COLQ: variants seen among roughly 807,000 people sequenced by gnomAD.
COLQ encodes the protein acetylcholinesterase collagenic tail peptide.
COLQ carries 48 observed loss-of-function variants against 69.0 expected under a neutral mutation model. That is an observed-to-expected ratio of 0.70 (90% confidence interval 0.55 to 0.88). The LOEUF (loss-of-function observed/expected upper bound fraction) is 0.88. COLQ is among the 40% of genes least tolerant of loss of function. The pLI is 0.00. For synonymous variants in COLQ, 217 were observed against 211.2 expected, an observed-to-expected ratio of 1.03 and a Z score of -0.24; for missense variants, 618 against 594.6, an observed-to-expected ratio of 1.04 and a Z score of -0.41.
chr3:15,499,899 T>C (rs1286108547), intron 1 of COLQ, among the ~76,000 whole-genome samples: 1 of 152,228 alleles, frequency 6.6e-6, no homozygotes, highest in East Asian at 1.9e-4. Context: ...AAAGCCGACT[T>C]TGATAGTTTG....
chr3:15,510,844 G>A (rs935965240), intron 1 of COLQ, among the ~76,000 whole-genome samples: 1 of 138,712 alleles, frequency 7.2e-6, no homozygotes, highest in African/African-American at 2.8e-5. Flanking sequence ...GGAAGGGAGG[G>A]AGAGAGGAAG....
intron 1 of COLQ, among the ~76,000 whole-genome samples, chr3:15,503,351 G>A (rs2062858582): frequency 6.6e-6 from 1 of 152,172 alleles, no homozygotes; most frequent in African/African-American, 2.4e-5. Context: ...CTGCAGTATA[G>A]AGAGATGGGG....
At chr3:15,499,140 T>C (rs183416710) in intron 1 of COLQ, among the ~76,000 whole-genome samples, 23 of 151,418 alleles carry the variant, frequency 1.5e-4, no homozygotes, top group Admixed American at 1.5e-3. Context: ...AAGCTAAACG[T>C]AACTAAAACA....
chr3:15,473,058 T>C lies in COLQ; in HGVS notation c.636+942A>G, dbSNP rs117496703. Among the ~76,000 whole-genome samples the C allele has an allele frequency of 6.6e-5, 10 of 151,940 alleles. No individual in the cohort carries two copies. In the East Asian group the frequency reaches 1.9e-3, roughly 29 times the overall value. On this transcript the variant is annotated intron_variant, in intron 10 of 16. Coordinates refer to ENST00000383788, the MANE Select transcript of COLQ (RefSeq NM_005677.4). The surrounding 1 kb of genome is among the most constrained non-coding windows in gnomAD (Gnocchi z 4.0). ...TTTTTTTAGAGATGAGATAGTACTATATTGCCCAAGCTGAGTATTTTTTTC... is the reference window on the plus strand; with the variant it reads ...TTTTTTTAGAGATGAGATAGTACTACATTGCCCAAGCTGAGTATTTTTTTC...
At chr3:15,492,434 A>G (rs912337961) in intron 1 of COLQ, among the ~76,000 whole-genome samples, 1 of 152,224 alleles carries the variant, frequency 6.6e-6, no homozygotes, top group Non-Finnish European at 1.5e-5. Context: ...TGGGAGGCCA[A>G]GGTGGGTGGG....
chr3:15,472,953 G>T (rs2062314838), intron 10 of COLQ, among the ~76,000 whole-genome samples: 1 of 151,356 alleles, frequency 6.6e-6, no homozygotes, highest in Non-Finnish European at 1.5e-5. Context: ...TCAATCACCT[G>T]GGCTCAAGCA....
Position 15,479,372 on chromosome 3 carries a change from C to T in COLQ, c.332G>A (p.Gly111Glu), listed in dbSNP as rs1223368969. The T allele has an allele frequency of 1.2e-6, 2 of 1,614,068 alleles. No homozygotes were observed. Among genetic ancestry groups the T allele is most frequent in the Admixed American group, 1.7e-5 (1 of 60,026 alleles). The part of the protein sequence containing the change: ...PGPPGPQGPP[G>E]LPGKTGPKGE... The stretch of plus-strand genomic sequence containing the variant: ...CTTTGGTCCTGTCTTGCCAGGAAGC[C>T]CCGGTGGACCCTAATCAATCAAGAT... The change falls in exon 4 of 17, where the codon GGG (glycine) becomes GAG (glutamate). Residue 111 changes from glycine (G) to glutamate (E), a missense_variant. By Grantham distance (98) the Gly-to-Glu change is moderately conservative (BLOSUM62 -2). Transcript: ENST00000383788.
chr3:15,518,560 T>C lies in COLQ; in HGVS notation c.106+2960A>G, dbSNP rs141731874. Among the ~76,000 whole-genome samples, 17 of 152,352 alleles carry C rather than the reference T, an allele frequency of 1.1e-4. 1 individual carries two copies. In the East Asian group the frequency reaches 3.3e-3, roughly 29 times the overall value. On this transcript the variant is annotated intron_variant, in intron 1 of 16. Coordinates refer to ENST00000383788, the MANE Select transcript of COLQ (RefSeq NM_005677.4). ...GTTTTTTGCTCCTTCCTGGTTCTCC[T>C]CTGGGACCCAGCAGAGGAGGTTGCC...
chr3:15,488,574 C>T (rs1423658369), intron 2 of COLQ, among the ~76,000 whole-genome samples: 1 of 152,070 alleles, frequency 6.6e-6, no homozygotes, highest in Non-Finnish European at 1.5e-5. Flanking sequence ...GGCCTCTATC[C>T]AATGTGTAGG....
chr3:15,479,283 A>C, intron 4 of COLQ, 55 bp downstream of exon 4: 1 of 1,574,134 alleles, frequency 6.4e-7, no homozygotes, highest in East Asian at 2.2e-5. Flanking sequence ...GGATGCCCAG[A>C]AAACAGGCTG....
chr3:15,507,921 T>G (rs1421237364), intron 1 of COLQ, among the ~76,000 whole-genome samples: 1 of 152,234 alleles, frequency 6.6e-6, no homozygotes, highest in Non-Finnish European at 1.5e-5. Context: ...TTATATGGCT[T>G]GCAAATATTT....
At chr3:15,480,651 T>G (rs2062466169) in intron 3 of COLQ, among the ~76,000 whole-genome samples, 1 of 152,238 alleles carries the variant, frequency 6.6e-6, no homozygotes, top group South Asian at 2.1e-4. Flanking sequence ...TACGTGGGCA[T>G]GTGTCTTTAT....
chr3:15,500,086 G>T lies in COLQ; in HGVS notation c.107-10449C>A, dbSNP rs373326893. ...AATGGGTAACGGTTGAGGGGTAGAG[G>T]GTCCAAGTGAGATATCAAGGAAGGA... is the stretch of plus-strand genomic sequence containing the variant. On this transcript the variant is annotated intron_variant, in intron 1 of 16. Transcript: ENST00000383788. 3.1e-4 allele frequency among the ~76,000 whole-genome samples: 47 copies of T among 152,278 alleles called. 1 individual carries two copies. Among genetic ancestry groups the T allele is most frequent in the Admixed American group, 1.0e-3 (16 of 15,290 alleles).
At chr3:15,512,446 G>A (rs1465423307) in intron 1 of COLQ, among the ~76,000 whole-genome samples, 1 of 152,170 alleles carries the variant, frequency 6.6e-6, no homozygotes, top group Non-Finnish European at 1.5e-5. Context: ...AGGGCCAGGT[G>A]TATTTTTAAA....
intron 1 of COLQ, among the ~76,000 whole-genome samples, chr3:15,501,153 A>G (rs2062824063): frequency 6.6e-6 from 1 of 152,160 alleles, no homozygotes; most frequent in Non-Finnish European, 1.5e-5. Context: ...CTAATTCACA[A>G]TACAAGTTTC....
Position 15,473,894 on chromosome 3 carries a change from C to A in COLQ, c.636+106G>T. 7.8e-7 allele frequency: 1 copy of A among 1,280,168 alleles called. No homozygotes were observed. 79.3% of individuals were successfully genotyped at this position (1,280,168 alleles called of 1,614,324 possible). A position where few individuals can be genotyped will look rare whatever the true frequency, so the allele number is the denominator to read the frequency against. On this transcript the variant is annotated intron_variant, in intron 10 of 16. Transcript: ENST00000383788. This position sits in a 1 kb window ranked among gnomAD's most constrained non-coding sequence, Gnocchi z 4.0. ...CAAAATAGAAGTTTCCATGGTTAAA[C>A]CCACCATCCCTGCCTGATAGACAAG...
intron 1 of COLQ, among the ~76,000 whole-genome samples, chr3:15,506,329 T>G (rs539896040): frequency 7.9e-4 from 120 of 152,306 alleles, no homozygotes; most frequent in African/African-American, 2.7e-3. Context: ...GTACAGATGG[T>G]GTTTTGTTTA....
At chr3:15,519,037 A>AT (rs914834190) in intron 1 of COLQ, among the ~76,000 whole-genome samples, 3 of 152,112 alleles carry the variant, frequency 2.0e-5, no homozygotes, top group South Asian at 2.1e-4. Flanking sequence ...AACAGCTTCC[A>AT]TTTTTTTAAA....
Position 15,466,339 on chromosome 3 carries a change from A to G in COLQ, c.814+2T>C, listed in dbSNP as rs1002244829. 1.2e-6 allele frequency: 2 copies of G among 1,609,020 alleles called. No homozygotes were observed. Among genetic ancestry groups the G allele is most frequent in the African/African-American group, 2.7e-5 (2 of 74,944 alleles). On this transcript the variant is annotated splice_donor_variant, in intron 12 of 16. Transcript: ENST00000383788. LOFTEE classifies it high-confidence loss of function. ...GATCAAGTGAAGCAGTGTAGCTCTT[A>G]CCTGCAGGTGGGGGGCCTGGGGGCC...
Sources: allele counts gnomAD v4.1 joint callset (sites outside exome capture counted in the v4.1 genomes callset), GRCh38; gene constraint gnomAD v4.1.1; non-coding constraint Gnocchi (gnomAD v3.1); transcripts MANE v1.5; gene names NCBI Gene and HGNC (gene_info 2026-07-23, HGNC 2026-07-21).